ARHGAP8: variants seen among roughly 807,000 people sequenced by gnomAD.
ARHGAP8 encodes the protein Rho GTPase activating protein 8, also known as rho GTPase-activating protein 8.
Under a neutral mutation model 46.1 loss-of-function variants are expected in ARHGAP8, and 62 were observed. That is an observed-to-expected ratio of 1.34 (90% CI 1.10 to 1.66). The LOEUF is 1.66. Ranked by LOEUF, ARHGAP8 falls within the 40% of genes most tolerant of loss-of-function variation. The pLI, the probability that ARHGAP8 is intolerant of heterozygous loss-of-function variation, is 0.00. For missense variants in ARHGAP8, 923 were observed against 568.4 expected (o/e 1.62, Z -6.34); for synonymous variants, 375 against 243.1 (o/e 1.54, Z -5.05).
intron 6 of ARHGAP8, among the ~76,000 whole-genome samples, chr22:44,823,190 T>C (rs1250755945): frequency 6.6e-6 from 1 of 151,976 alleles, no homozygotes; most frequent in Non-Finnish European, 1.5e-5. Flanking sequence ...TATAGAGGTG[T>C]TTAGGGAGTG....
chr22:44,793,982 C>A lies in ARHGAP8; in HGVS notation c.79+7376C>A, dbSNP rs537134961. Among the ~76,000 whole-genome samples the A allele has an allele frequency of 1.1e-3, 171 of 152,244 alleles. No individual in the cohort carries two copies. The Middle Eastern group carries it at 0.027, about 24-fold the overall frequency. On this transcript the variant is annotated intron_variant, in intron 2 of 11. Coordinates refer to ENST00000356099, the MANE Select transcript of ARHGAP8 (RefSeq NM_181335.3). ...GATTCCTCTCAGCTGCTGGGGAGAC[C>A]GAGGGAGCGAGGGAGGCCGGCCTCA...
At position 44,783,620 on chromosome 22, in the gene ARHGAP8, C is replaced by T. The variant is rs1030486532; in HGVS notation, c.-71-2837C>T. Among the ~76,000 whole-genome samples the T allele has an allele frequency of 3.9e-5, 6 of 152,184 alleles. No individual in the cohort carries two copies. The South Asian group carries it at 6.2e-4, about 16-fold the overall frequency. On this transcript the variant is annotated intron_variant, in intron 1 of 11. Transcript: ENST00000356099. ...TGCCTCTGCTCCACCGCACTAGAAC[C>T]GGCATCCCTGAGGCCAGAGCTGTGC...
At chr22:44,838,449 T>C (rs988430174) in intron 7 of ARHGAP8, among the ~76,000 whole-genome samples, 2 of 152,114 alleles carry the variant, frequency 1.3e-5, no homozygotes, top group Non-Finnish European at 2.9e-5. Context: ...ATTTTTGCAT[T>C]TGGTAGTAGA....
At chr22:44,781,320 A>T (rs1926832175) in intron 1 of ARHGAP8, among the ~76,000 whole-genome samples, 1 of 152,110 alleles carries the variant, frequency 6.6e-6, no homozygotes, top group Non-Finnish European at 1.5e-5. Flanking sequence ...TTGCAGCGAT[A>T]GGAACCCATT....
At chr22:44,847,610 A>C (rs1229420033) in intron 8 of ARHGAP8, among the ~76,000 whole-genome samples, 1 of 152,214 alleles carries the variant, frequency 6.6e-6, no homozygotes, top group Non-Finnish European at 1.5e-5. Flanking sequence ...GCTGGGCATC[A>C]CCGTGTCCAG....
At chr22:44,838,022 G>A (rs959768830) in intron 7 of ARHGAP8, among the ~76,000 whole-genome samples, 2 of 152,076 alleles carry the variant, frequency 1.3e-5, no homozygotes, top group South Asian at 4.2e-4. Context: ...CTCCTAGGCT[G>A]GAGTGCAGTG....
At chr22:44,827,805 C>G (rs1930644451) in intron 7 of ARHGAP8, among the ~76,000 whole-genome samples, 1 of 151,978 alleles carries the variant, frequency 6.6e-6, no homozygotes, top group Non-Finnish European at 1.5e-5. Flanking sequence ...GTGCTTGAGC[C>G]CAGGAGAGGG....
chr22:44,839,566 C>T (rs182769411), intron 7 of ARHGAP8, among the ~76,000 whole-genome samples: 41 of 152,308 alleles, frequency 2.7e-4, no homozygotes, highest in African/African-American at 9.6e-4. Flanking sequence ...GAGATGGAAA[C>T]CCAGGCCGGG....
At chr22:44,834,553 G>A (rs545818435) in intron 7 of ARHGAP8, among the ~76,000 whole-genome samples, 36 of 152,160 alleles carry the variant, frequency 2.4e-4, no homozygotes, top group African/African-American at 7.7e-4. Context: ...AATATTCAAC[G>A]GACACATGAG....
Position 44,779,679 on chromosome 22 carries a change from A to G in ARHGAP8, c.-71-6778A>G, listed in dbSNP as rs150179509. ...CAGGTTCAAGCAATTCTTCTGCCTC[A>G]GTTTCCCGAGTAGCCGGGATTACAG... On this transcript the variant is annotated intron_variant, in intron 1 of 11. Coordinates refer to ENST00000356099, the MANE Select transcript of ARHGAP8 (RefSeq NM_181335.3). Among the ~76,000 whole-genome samples, 478 of 149,790 alleles carry G rather than the reference A, an allele frequency of 3.2e-3. 3 individuals carry two copies. Among genetic ancestry groups the G allele is most frequent in the African/African-American group, 0.011 (454 of 40,662 alleles).
chr22:44,755,620 C>A (rs1278856167), intron 1 of ARHGAP8, among the ~76,000 whole-genome samples: 1 of 152,184 alleles, frequency 6.6e-6, no homozygotes, highest in African/African-American at 2.4e-5. Flanking sequence ...AGGGCGTCTC[C>A]CTGGAGCTTC....
intron 5 of ARHGAP8, among the ~76,000 whole-genome samples, chr22:44,819,739 C>T (rs1290623867): frequency 6.6e-6 from 1 of 152,222 alleles, no homozygotes; most frequent in African/African-American, 2.4e-5. Flanking sequence ...ATATCTTACG[C>T]ACCTTATGTG....
chr22:44,801,183 C>T (rs188439970), intron 2 of ARHGAP8, among the ~76,000 whole-genome samples: 5 of 49,166 alleles, frequency 1.0e-4, no homozygotes, highest in Non-Finnish European at 1.5e-4. Context: ...GGGGGGCGCC[C>T]CTCCCCGCAG....
At chr22:44,753,163 G>C (rs1017899481) in intron 1 of ARHGAP8, among the ~76,000 whole-genome samples, 1 of 152,142 alleles carries the variant, frequency 6.6e-6, no homozygotes, top group Non-Finnish European at 1.5e-5. Context: ...CAAACTCAGG[G>C]GGTGGGGGGC....
At position 44,854,024 on chromosome 22, in the gene ARHGAP8, C is replaced by CAAAAAAAAA. The variant is rs71315119; in HGVS notation, c.877+4994_877+5002dup. 3.2e-4 allele frequency among the ~76,000 whole-genome samples: 14 copies of CAAAAAAAAA among 43,304 alleles called. 2 individuals carry two copies. The highest frequency in any genetic ancestry group is 4.4e-4 in the Non-Finnish European group (11 of 25,158). 28.4% of individuals were successfully genotyped at this position (43,304 alleles called of 152,430 possible). A position where few individuals can be genotyped will look rare whatever the true frequency, so the allele number is the denominator to read the frequency against. On this transcript the variant is annotated intron_variant, in intron 10 of 11. Transcript: ENST00000356099. The stretch of plus-strand genomic sequence containing the variant: ...CCTGGGACACAGCGAGACTCTGTCT[C>CAAAAAAAAA]AAAAAAAAAAAAAAAAAAAAAAAAA...
At chr22:44,858,150 T>C (rs1309390330) in intron 10 of ARHGAP8, among the ~76,000 whole-genome samples, 1 of 152,172 alleles carries the variant, frequency 6.6e-6, no homozygotes, top group African/African-American at 2.4e-5. Flanking sequence ...ACAGGAATGA[T>C]CATAGTGGGG....
intron 1 of ARHGAP8, among the ~76,000 whole-genome samples, chr22:44,764,934 C>T (rs949006783): frequency 6.6e-6 from 1 of 152,194 alleles, no homozygotes; most frequent in Non-Finnish European, 1.5e-5. Flanking sequence ...ACACAAGGCC[C>T]GGATTATGTG....
At chr22:44,860,056 CTGCTCCTGTA>C (rs2070394713) in intron 11 of ARHGAP8, among the ~76,000 whole-genome samples, 1 of 151,810 alleles carries the variant, frequency 6.6e-6, no homozygotes, top group Non-Finnish European at 1.5e-5. Context: ...CTGCCCCTGC[CTGCTCCTGTA>C]CCTGCTGTCC....
intron 2 of ARHGAP8, 74 bp from the exon 3 acceptor site, chr22:44,802,003 C>A (rs1345965241): frequency 6.3e-7 from 1 of 1,587,146 alleles, no homozygotes; most frequent in African/African-American, 1.3e-5. Flanking sequence ...GCCAAGGAGG[C>A]TGCTTTTTGC....
Sources: allele counts gnomAD v4.1 joint callset (sites outside exome capture counted in the v4.1 genomes callset), GRCh38; gene constraint gnomAD v4.1.1; transcripts MANE v1.5; gene names NCBI Gene and HGNC (gene_info 2026-07-23, HGNC 2026-07-21).